The following RSF1 variants were observed in gnomAD, a reference collection of about 807,000 sequenced individuals.
RSF1 encodes the protein HBV pX-associated protein 8.
Under a neutral mutation model 145.2 loss-of-function variants are expected in RSF1, and 13 were observed. The ratio of observed to expected loss-of-function variants is 0.09; its 90% CI spans 0.06 to 0.14. The LOEUF is 0.14. Ranked by LOEUF, RSF1 falls within the 10% of genes least tolerant of loss-of-function variation. RSF1 has a pLI of 1.00. For synonymous variants in RSF1, 577 were observed against 592.6 expected (o/e 0.97, Z 0.38); for missense variants, 1,517 against 1,718.2 (o/e 0.88, Z 2.07).
At chr11:77,815,826 C>T (rs1410240632) in intron 1 of RSF1, among the ~76,000 whole-genome samples, 5 of 152,052 alleles carry the variant, frequency 3.3e-5, no homozygotes, top group Non-Finnish European at 7.4e-5. Flanking sequence ...AAGTGAATAA[C>T]CTCACTAATA....
At chr11:77,869,244 CT>C in the RSF1 span, 1 of 180,428 alleles carries the variant, frequency 5.5e-6, no homozygotes, top group Non-Finnish European at 1.2e-5. Context: ...GGTCCTGAGC[CT>C]TTTAAAATGC....
At chr11:77,748,763 TA>T (rs1948029639) in intron 2 of RSF1, among the ~76,000 whole-genome samples, 1 of 152,214 alleles carries the variant, frequency 6.6e-6, no homozygotes, top group African/African-American at 2.4e-5. Flanking sequence ...TGGCAATTCC[TA>T]AAATGTTAAT....
intron 4 of RSF1, among the ~76,000 whole-genome samples, chr11:77,733,878 A>G (rs1961270523): frequency 6.6e-6 from 1 of 152,186 alleles, no homozygotes; most frequent in African/African-American, 2.4e-5. Context: ...TTTCATTCCT[A>G]AACAAATTCT....
chr11:77,701,635 G>T lies in RSF1; in HGVS notation c.1594C>A (p.Pro532Thr), dbSNP rs749734768. 2 of 1,614,066 alleles carry T rather than the reference G, an allele frequency of 1.2e-6. No individual in the cohort carries two copies. Among genetic ancestry groups the T allele is most frequent in the Non-Finnish European group, 1.7e-6 (2 of 1,180,008 alleles). ...GAAGTTTCCATTTCTGGAGGATCGG[G>T]TTCCTCTATTTGTGCTTTTTGACTA... ...IHSQKAQIEE[P>T]DPPEMETSLD... is the part of the protein sequence containing the mutation. Residue 532 changes from proline to threonine, a missense_variant, in exon 6 of 16, where the codon CCC becomes ACC. Around this residue, in one of 12 missense-constraint regions of RSF1, gnomAD observed 579 missense variants for 553.5 expected, o/e 1.05. Transcript: ENST00000308488.
chr11:77,699,605 C>A (rs1369237239), intron 6 of RSF1, among the ~76,000 whole-genome samples: 1 of 152,026 alleles, frequency 6.6e-6, no homozygotes, highest in Non-Finnish European at 1.5e-5. Context: ...ATGAGTAATA[C>A]CAACATTAAT....
chr11:77,704,893 A>G (rs183534744), intron 5 of RSF1, among the ~76,000 whole-genome samples: 18 of 151,934 alleles, frequency 1.2e-4, no homozygotes, highest in Admixed American at 2.0e-4. Context: ...CTGGGATTAC[A>G]GGCATGCACC....
intron 2 of RSF1, among the ~76,000 whole-genome samples, chr11:77,755,642 T>G (rs1590869157): frequency 6.6e-6 from 1 of 151,504 alleles, no homozygotes; most frequent in South Asian, 2.1e-4. Flanking sequence ...TGCCATGGAG[T>G]GATCTCAGCT....
At chr11:77,696,027 C>A (rs1198068298) in intron 7 of RSF1, among the ~76,000 whole-genome samples, 1 of 152,206 alleles carries the variant, frequency 6.6e-6, no homozygotes, top group Non-Finnish European at 1.5e-5. Flanking sequence ...TCACCACTTG[C>A]TCGCAATACC....
At position 77,740,828 on chromosome 11, in the gene RSF1, G is replaced by A; in HGVS notation, c.481C>T (p.Leu161Phe). The change falls in exon 4 of 16, where the codon CTC becomes TTC. Residue 161 changes from leucine (L) to phenylalanine (F), a missense_variant. Leu to Phe is a conservative substitution (Grantham distance 22). Transcript: ENST00000308488. ...TGATCCAATTGGTACCAGTACATGAGGCCATCTTTGTCTCGACCAATTGGC... is the reference window on the plus strand; with the variant it reads ...TGATCCAATTGGTACCAGTACATGAAGCCATCTTTGTCTCGACCAATTGGC... ...LQPIGRDKDG[L>F]MYWYQLDQDH... 6.2e-7 allele frequency: 1 copy of A among 1,614,060 alleles called. No individual in the cohort carries two copies. The highest frequency in any genetic ancestry group is 8.5e-7 in the Non-Finnish European group (1 of 1,179,930).
At chr11:77,740,675 C>G (rs1246083157) in intron 4 of RSF1, 56 bp downstream of exon 4, 4 of 1,494,516 alleles carry the variant, frequency 2.7e-6, no homozygotes, top group Non-Finnish European at 3.7e-6. Flanking sequence ...AGTTTTGAAA[C>G]GAGATCAATG....
intron 5 of RSF1, among the ~76,000 whole-genome samples, chr11:77,714,658 A>G (rs1346012725): frequency 6.6e-6 from 1 of 152,224 alleles, no homozygotes; most frequent in Non-Finnish European, 1.5e-5. Flanking sequence ...CCTGGGCAAC[A>G]TGGTGAAACC....
chr11:77,800,625 T>C (rs1270636209), intron 1 of RSF1, among the ~76,000 whole-genome samples: 1 of 151,996 alleles, frequency 6.6e-6, no homozygotes, highest in East Asian at 1.9e-4. Context: ...ATCTCAGCAC[T>C]TTGGAAGGGA....
intron 2 of RSF1, among the ~76,000 whole-genome samples, chr11:77,759,542 G>C (rs961868848): frequency 2.5e-4 from 38 of 152,134 alleles, no homozygotes; most frequent in Admixed American, 2.5e-3. Flanking sequence ...AAATTAGCCA[G>C]GCATGGTGGC....
the RSF1 span, among the ~76,000 whole-genome samples, chr11:77,871,175 T>C: frequency 1.3e-5 from 2 of 152,210 alleles, no homozygotes; most frequent in Non-Finnish European, 2.9e-5. Context: ...TAGGGTACTT[T>C]TATAAATCTC....
the RSF1 span, among the ~76,000 whole-genome samples, chr11:77,856,422 A>G: frequency 3.9e-5 from 6 of 152,118 alleles, no homozygotes; most frequent in Admixed American, 1.3e-4. Flanking sequence ...CCCTCTGCCC[A>G]TTACCTAGTT....
chr11:77,723,595 A>C (rs1177083754), intron 5 of RSF1, among the ~76,000 whole-genome samples: 1 of 152,262 alleles, frequency 6.6e-6, no homozygotes, highest in African/African-American at 2.4e-5. Flanking sequence ...CCACATAAGC[A>C]ATGAAGGACG....
rs371896850 is a variant in RSF1, at chr11:77,698,822, T to C, written c.2509-129A>G. 1.3e-4 allele frequency: 92 copies of C among 722,296 alleles called. No individual in the cohort carries two copies. In the African/African-American group the frequency reaches 1.5e-3, roughly 12 times the overall value. The allele number at this position is 722,296 out of a possible 1,614,324, so 44.7% of individuals were successfully genotyped here. On this transcript the variant is annotated intron_variant, in intron 6 of 15. Coordinates refer to ENST00000308488, the MANE Select transcript of RSF1 (RefSeq NM_016578.4). ...AAAAAAGAGGAGAAAATTATTATAGTCTCATCATCAGATATAGCTATGGTT... is the reference window on the plus strand; with the variant it reads ...AAAAAAGAGGAGAAAATTATTATAGCCTCATCATCAGATATAGCTATGGTT...
At chr11:77,855,149 C>T in the RSF1 span, among the ~76,000 whole-genome samples, 1 of 152,174 alleles carries the variant, frequency 6.6e-6, no homozygotes, top group South Asian at 2.1e-4. Context: ...TCCCACAAAA[C>T]CATTATTTCC....
At chr11:77,860,982 G>A in the RSF1 span, among the ~76,000 whole-genome samples, 3 of 152,284 alleles carry the variant, frequency 2.0e-5, no homozygotes, top group South Asian at 2.1e-4. Context: ...TTACTAGGCC[G>A]TGGGCTTTTA....
Sources: allele counts gnomAD v4.1 joint callset (sites outside exome capture counted in the v4.1 genomes callset), GRCh38; gene constraint gnomAD v4.1.1; regional missense constraint gnomAD v4.1.1; transcripts MANE v1.5; gene names NCBI Gene and HGNC (gene_info 2026-07-23, HGNC 2026-07-21).